AOPEP: variants seen among roughly 807,000 people sequenced by gnomAD.
AOPEP encodes the protein aminopeptidase O (putative), also known as aminopeptidase O.
A neutral mutation model predicts 98.1 loss-of-function variants in AOPEP; 77 were observed. That is an observed-to-expected ratio of 0.78 (90% CI 0.65 to 0.95). The LOEUF is 0.95. Among genes scored for constraint, AOPEP ranks in the 40% least tolerant of loss-of-function variants. The pLI is 0.00. For missense variants in AOPEP, 1,024 were observed against 1,024.7 expected (o/e 1.00, Z 0.01); for synonymous variants, 346 against 365.3 (o/e 0.95, Z 0.60).
At chr9:95,006,029 A>T (rs753870485) in intron 13 of AOPEP, 1 of 466,334 alleles carries the variant, frequency 2.1e-6, no homozygotes. Flanking sequence ...TAAGAAATAG[A>T]GAGAGAAGAA....
At chr9:95,112,921 T>G in the AOPEP span, among the ~76,000 whole-genome samples, 1 of 152,204 alleles carries the variant, frequency 6.6e-6, no homozygotes, top group Non-Finnish European at 1.5e-5. Flanking sequence ...GCATTTGACA[T>G]CACACATTCT....
At chr9:94,727,246 G>A (rs1338638728) in intron 1 of AOPEP, among the ~76,000 whole-genome samples, 1 of 152,182 alleles carries the variant, frequency 6.6e-6, no homozygotes, top group African/African-American at 2.4e-5. Flanking sequence ...GGTCCCTATA[G>A]AACATTCATA....
intron 13 of AOPEP, among the ~76,000 whole-genome samples, chr9:95,038,036 C>G (rs1307403579): frequency 2.0e-5 from 3 of 152,146 alleles, no homozygotes; most frequent in African/African-American, 7.2e-5. Flanking sequence ...GTCTGTCCGT[C>G]CATGCTCCAT....
At chr9:95,139,821 A>AATATATATATATTT in the AOPEP span, among the ~76,000 whole-genome samples, 6 of 145,874 alleles carry the variant, frequency 4.1e-5, no homozygotes, top group East Asian at 1.2e-3. Context: ...TGACAAAATG[A>AATATATATATATTT]ATATATATAT....
intron 3 of AOPEP, among the ~76,000 whole-genome samples, chr9:94,786,078 T>C (rs542620339): frequency 2.0e-5 from 3 of 152,316 alleles, no homozygotes; most frequent in African/African-American, 7.2e-5. Context: ...AAAATTAGCC[T>C]GAGTGAGCAT....
intron 11 of AOPEP, among the ~76,000 whole-genome samples, chr9:94,988,608 T>C (rs1398840067): frequency 6.6e-6 from 1 of 152,178 alleles, no homozygotes; most frequent in African/African-American, 2.4e-5. Context: ...CAGAGGCCAC[T>C]AGCATTTAAA....
chr9:94,869,161 A>G (rs930843577), intron 5 of AOPEP, among the ~76,000 whole-genome samples: 19 of 152,232 alleles, frequency 1.2e-4, no homozygotes, highest in African/African-American at 4.6e-4. Context: ...CCTGGGAGGC[A>G]GAGGCTGCAG....
intron 5 of AOPEP, among the ~76,000 whole-genome samples, chr9:94,873,728 C>A (rs1025791797): frequency 6.6e-6 from 1 of 151,986 alleles, no homozygotes. Flanking sequence ...ATTGATTGAA[C>A]AAAGAGTGAC....
the AOPEP span, among the ~76,000 whole-genome samples, chr9:95,093,806 A>G: frequency 3.3e-3 from 497 of 152,136 alleles, no homozygotes; most frequent in South Asian, 8.1e-3. Context: ...ACGCGCTGTA[A>G]CTCGAGAGGC....
intron 13 of AOPEP, 100 bp downstream of exon 13, chr9:95,005,716 A>G: frequency 2.2e-6 from 2 of 923,218 alleles, no homozygotes. Flanking sequence ...TAATTTAAAA[A>G]GTTTTTGTTA....
intron 3 of AOPEP, among the ~76,000 whole-genome samples, 197 bp from the exon 4 acceptor site, chr9:94,792,568 T>TC (rs1386692375): frequency 2.3e-4 from 35 of 152,260 alleles, no homozygotes; most frequent in African/African-American, 7.9e-4. Flanking sequence ...ACCTTCCTGG[T>TC]TGCCTTGAAG....
At chr9:95,075,243 T>C (rs2068926247) in intron 14 of AOPEP, among the ~76,000 whole-genome samples, 1 of 152,222 alleles carries the variant, frequency 6.6e-6, no homozygotes, top group Non-Finnish European at 1.5e-5. Context: ...TTAAAGGTCA[T>C]TAAATTTTTC....
chr9:95,113,452 T>G, the AOPEP span, among the ~76,000 whole-genome samples: 1 of 152,082 alleles, frequency 6.6e-6, no homozygotes, highest in African/African-American at 2.4e-5. Flanking sequence ...TAAATGTGAA[T>G]GCTTTCAAGA....
At chr9:94,988,265 A>G (rs1418475890) in intron 11 of AOPEP, among the ~76,000 whole-genome samples, 1 of 152,216 alleles carries the variant, frequency 6.6e-6, no homozygotes, top group East Asian at 1.9e-4. Flanking sequence ...AATGTGATGC[A>G]GCTGATGCAC....
chr9:94,892,823 C>T (rs1417025850), intron 5 of AOPEP, among the ~76,000 whole-genome samples: 1 of 152,164 alleles, frequency 6.6e-6, no homozygotes, highest in Non-Finnish European at 1.5e-5. Flanking sequence ...AAGCAATCCT[C>T]CTGCCTCAGC....
At chr9:94,897,802 G>A (rs1274224729) in intron 5 of AOPEP, among the ~76,000 whole-genome samples, 1 of 151,402 alleles carries the variant, frequency 6.6e-6, no homozygotes, top group Non-Finnish European at 1.5e-5. Context: ...ACTTCTTTGA[G>A]GGCCATTTGC....
intron 14 of AOPEP, among the ~76,000 whole-genome samples, chr9:95,067,966 T>A (rs1389731998): frequency 9.2e-5 from 14 of 152,256 alleles, no homozygotes; most frequent in Admixed American, 7.9e-4. Context: ...TTCTTTTGAC[T>A]TAGCATAATG....
intron 1 of AOPEP, among the ~76,000 whole-genome samples, chr9:94,738,273 C>T (rs956991589): frequency 7.2e-5 from 11 of 152,164 alleles, no homozygotes; most frequent in African/African-American, 2.7e-4. Flanking sequence ...AGGAGAAAGA[C>T]TCTGGTTCAC....
chr9:94,981,460 A>T (rs2138740956), intron 11 of AOPEP, among the ~76,000 whole-genome samples: 1 of 152,270 alleles, frequency 6.6e-6, no homozygotes, highest in African/African-American at 2.4e-5. Context: ...TTCAGTAAAA[A>T]CAACAGGGTC....
Sources: allele counts gnomAD v4.1 joint callset (sites outside exome capture counted in the v4.1 genomes callset), GRCh38; gene constraint gnomAD v4.1.1; transcripts MANE v1.5; gene names NCBI Gene and HGNC (gene_info 2026-07-23, HGNC 2026-07-21).